Variants in COL28A1 observed in about 807,000 individuals in gnomAD.
COL28A1 encodes the protein collagen type XXVIII alpha 1 chain, also known as collagen alpha-1(XXVIII) chain.
COL28A1 carries 161 observed loss-of-function variants against 150.2 expected under a neutral mutation model. The observed-to-expected ratio is 1.07, with a 90% CI of 0.94 to 1.22. COL28A1 has a LOEUF of 1.22. Ranked by LOEUF, COL28A1 falls within the 50% of genes most tolerant of loss-of-function variation. COL28A1 has a pLI of 0.00. For synonymous variants in COL28A1, 552 were observed against 469.7 expected (o/e 1.18, Z -2.26); for missense variants, 1,617 against 1,388.3 (o/e 1.16, Z -2.62).
At chr7:7,389,384 G>A (rs987104413) in intron 27 of COL28A1, among the ~76,000 whole-genome samples, 7 of 152,166 alleles carry the variant, frequency 4.6e-5, no homozygotes, top group African/African-American at 1.7e-4. Context: ...ATACCATGCT[G>A]TTTGGGTTAC....
chr7:7,497,175 A>G (rs1007895484), intron 11 of COL28A1, among the ~76,000 whole-genome samples: 1 of 152,164 alleles, frequency 6.6e-6, no homozygotes, highest in African/African-American at 2.4e-5. Context: ...ATCAAGCTCC[A>G]TTTTTAGCAC....
intron 33 of COL28A1, among the ~76,000 whole-genome samples, chr7:7,367,255 G>A (rs1780985110): frequency 6.6e-6 from 1 of 152,190 alleles, no homozygotes; most frequent in Non-Finnish European, 1.5e-5. Context: ...TACACTCTAT[G>A]ATGTTCACAC....
At chr7:7,345,702 GT>G in the COL28A1 span, among the ~76,000 whole-genome samples, 6 of 151,984 alleles carry the variant, frequency 3.9e-5, no homozygotes, top group African/African-American at 1.4e-4. Flanking sequence ...TTTACAAGAA[GT>G]CAGTTGATAA....
chr7:7,408,912 C>T (rs1257453215), intron 27 of COL28A1, among the ~76,000 whole-genome samples: 2 of 152,050 alleles, frequency 1.3e-5, no homozygotes, highest in Admixed American at 6.6e-5. Context: ...AGTTTTCTCT[C>T]TCTAACATTT....
chr7:7,519,247 C>G (rs1458464919), intron 6 of COL28A1, among the ~76,000 whole-genome samples: 1 of 152,060 alleles, frequency 6.6e-6, no homozygotes, highest in East Asian at 1.9e-4. Flanking sequence ...CTTATAAAAC[C>G]ATCAGATCTC....
At chr7:7,433,983 G>T (rs148191524) in intron 23 of COL28A1, among the ~76,000 whole-genome samples, 1 of 152,128 alleles carries the variant, frequency 6.6e-6, no homozygotes, top group African/African-American at 2.4e-5. Context: ...ACTGCCCAAA[G>T]TCCAACTCTC....
intron 15 of COL28A1, among the ~76,000 whole-genome samples, chr7:7,473,890 T>A (rs1263304337): frequency 1.3e-5 from 2 of 150,928 alleles, no homozygotes; most frequent in Non-Finnish European, 3.0e-5. Context: ...AGTGTGTGTT[T>A]GTTTACATAT....
chr7:7,439,720 A>G (rs965222347), intron 21 of COL28A1, among the ~76,000 whole-genome samples: 9 of 152,210 alleles, frequency 5.9e-5, no homozygotes, highest in African/African-American at 1.9e-4. Context: ...ACATAGTGGC[A>G]CTTCTCATAA....
In COL28A1 at chr7:7,358,750, T is replaced by A; in HGVS notation, c.3261A>T (p.Arg1087=). 1.9e-6 allele frequency: 3 copies of A among 1,613,992 alleles called. No individual in the cohort carries two copies. Among genetic ancestry groups the A allele is most frequent in the African/African-American group, 1.3e-5 (1 of 75,008 alleles). ...KPGNCGEYVV[R]WYYDKQVNSC... The stretch of plus-strand genomic sequence containing the variant: ...AGTTGACCTGTTTGTCATAATACCA[T>A]CGAACCACATATTCACCACAGTTTC... The change falls in exon 35 of 35, where the codon CGA becomes CGT. Residue 1087 remains arginine (R), a synonymous_variant. Coordinates refer to ENST00000399429, the MANE Select transcript of COL28A1 (RefSeq NM_001037763.3).
At position 7,419,962 on chromosome 7, in the gene COL28A1, A is replaced by G; in HGVS notation, c.1999-9T>C. 6.4e-7 allele frequency: 1 copy of G among 1,572,258 alleles called. No homozygotes were observed. Among genetic ancestry groups the G allele is most frequent in the Non-Finnish European group, 8.6e-7 (1 of 1,162,770 alleles). On this transcript the variant is annotated splice_polypyrimidine_tract_variant and intron_variant, in intron 25 of 34. Transcript: ENST00000399429. ...CTGACCCCAGGCTCTCCCTGAAAAG[A>G]CACAACAAATAACAAGTTACTAATT... is the stretch of plus-strand genomic sequence containing the variant.
intron 26 of COL28A1, 84 bp downstream of exon 26, chr7:7,419,801 G>T: frequency 1.2e-6 from 1 of 829,214 alleles, no homozygotes; most frequent in Non-Finnish European, 1.8e-6. Context: ...ACACCAAGAC[G>T]AACACTTATT....
chr7:7,380,293 GA>G (rs1326131605), intron 30 of COL28A1, among the ~76,000 whole-genome samples: 2 of 151,952 alleles, frequency 1.3e-5, no homozygotes, highest in African/African-American at 4.8e-5. Context: ...ACTAGTTCAG[GA>G]AAAAAGAGTC....
chr7:7,479,167 A>G (rs917459845), intron 13 of COL28A1, among the ~76,000 whole-genome samples: 2 of 152,334 alleles, frequency 1.3e-5, no homozygotes, highest in Admixed American at 6.5e-5. Context: ...CCTTAAACCA[A>G]TCCCCCATGA....
At chr7:7,371,231 T>C (rs1424509011) in intron 32 of COL28A1, among the ~76,000 whole-genome samples, 1 of 152,192 alleles carries the variant, frequency 6.6e-6, no homozygotes, top group Non-Finnish European at 1.5e-5. Context: ...TTGCAAATAT[T>C]CTTTACAGGC....
At chr7:7,485,830 T>A (rs1271285901) in intron 13 of COL28A1, among the ~76,000 whole-genome samples, 1 of 152,154 alleles carries the variant, frequency 6.6e-6, no homozygotes, top group African/African-American at 2.4e-5. Flanking sequence ...AATTTGCCAA[T>A]ACCACACAGT....
At chr7:7,492,270 T>C (rs759592911) in intron 11 of COL28A1, among the ~76,000 whole-genome samples, 29 of 152,066 alleles carry the variant, frequency 1.9e-4, no homozygotes, top group African/African-American at 7.0e-4. Flanking sequence ...AGTAAAGACA[T>C]TGCTTTACTA....
At chr7:7,406,430 T>C (rs904650837) in intron 27 of COL28A1, among the ~76,000 whole-genome samples, 2 of 152,194 alleles carry the variant, frequency 1.3e-5, no homozygotes, top group Non-Finnish European at 2.9e-5. Context: ...TGCTAGGTGC[T>C]GGGAAGGAGA....
intron 33 of COL28A1, among the ~76,000 whole-genome samples, chr7:7,362,654 A>T (rs1780729892): frequency 6.6e-6 from 1 of 152,194 alleles, no homozygotes; most frequent in Admixed American, 6.5e-5. Flanking sequence ...TATAAAGGGC[A>T]CACAATTCAA....
At chr7:7,488,851 C>G (rs945503047) in intron 13 of COL28A1, among the ~76,000 whole-genome samples, 7 of 152,222 alleles carry the variant, frequency 4.6e-5, no homozygotes, top group African/African-American at 1.2e-4. Flanking sequence ...TCTTCTTGTT[C>G]AAGTTGATTC....
Sources: gnomAD v4.1 joint callset for allele counts (sites outside exome capture counted in the v4.1 genomes callset) on GRCh38, gnomAD v4.1.1 for gene constraint, MANE v1.5 for transcripts, NCBI Gene and HGNC (gene_info 2026-07-23, HGNC 2026-07-21) for gene names.